Variants in CES5A observed in about 807,000 individuals in gnomAD.
CES5A encodes the protein carboxylesterase 5.
CES5A carries 67 observed loss-of-function variants against 62.9 expected under a neutral mutation model. The observed-to-expected ratio is 1.07, with a 90% CI of 0.88 to 1.31. The LOEUF (loss-of-function observed/expected upper bound fraction) is 1.31. CES5A is among the 50% of genes most tolerant of loss of function. The pLI is 0.00. For missense variants in CES5A, 748 were observed against 708.5 expected, an observed-to-expected ratio of 1.06 and a Z score of -0.63; for synonymous variants, 296 against 280.8, an observed-to-expected ratio of 1.05 and a Z score of -0.54.
chr16:55,955,957 T>C, exon 1 of CES5A: 1 of 1,449,454 alleles, frequency 6.9e-7, no homozygotes, highest in Non-Finnish European at 9.4e-7. Flanking sequence ...CCAGTCCTCT[T>C]GCACATCATG....
At chr16:55,888,050 G>T (rs1401014542) in intron 1 of CES5A, among the ~76,000 whole-genome samples, 1 of 152,142 alleles carries the variant, frequency 6.6e-6, no homozygotes, top group Non-Finnish European at 1.5e-5. Context: ...GCACAGAAGG[G>T]CTGTGTCCTG....
At chr16:55,910,512 T>G (rs1171761306) in intron 1 of CES5A, among the ~76,000 whole-genome samples, 1 of 152,196 alleles carries the variant, frequency 6.6e-6, no homozygotes, top group Admixed American at 6.5e-5. Flanking sequence ...GATTGCACAC[T>G]CTTTTGAGAC....
chr16:55,875,167 G>A lies in CES5A; in HGVS notation c.55C>T (p.Leu19Phe), dbSNP rs1467084135. 2 of 1,614,120 alleles carry A rather than the reference G, an allele frequency of 1.2e-6. No homozygotes were observed. The highest frequency in any genetic ancestry group is 1.1e-5 in the South Asian group (1 of 91,052). ...ATCTCACCTTTGGTGGGGGCTGCAA[G>A]GACCCAGATAGCCCAAATTAGGATC... ...GQILIWAIWVLAAPTKGPSAE... is the reference protein window; with the variant it reads ...GQILIWAIWVFAAPTKGPSAE... Residue 19 changes from leucine to phenylalanine, a missense_variant, in exon 1 of 13, where the codon CTT becomes TTT. Transcript: ENST00000290567.
At chr16:55,880,525 C>A (rs2142424037) in intron 1 of CES5A, among the ~76,000 whole-genome samples, 1 of 152,284 alleles carries the variant, frequency 6.6e-6, no homozygotes, top group South Asian at 2.1e-4. Context: ...CTGCCTCAGG[C>A]TCTGCTTTCA....
chr16:55,926,908 T>C (rs1186507079), upstream of CES5A, among the ~76,000 whole-genome samples: 8 of 152,344 alleles, frequency 5.3e-5, no homozygotes, highest in African/African-American at 1.9e-4. Flanking sequence ...GCTTTGATTG[T>C]GCATTGTCTT....
intron 1 of CES5A, among the ~76,000 whole-genome samples, chr16:55,920,707 T>C (rs1465737643): frequency 6.6e-6 from 1 of 152,072 alleles, no homozygotes; most frequent in Admixed American, 6.5e-5. Flanking sequence ...TGCAAAGACA[T>C]AAACATACAT....
At chr16:55,908,040 A>T (rs140579204) in intron 1 of CES5A, among the ~76,000 whole-genome samples, 11 of 152,292 alleles carry the variant, frequency 7.2e-5, no homozygotes, top group Non-Finnish European at 1.5e-4. Context: ...CTAAGCTATC[A>T]GAGTATGCTC....
intron 2 of CES5A, among the ~76,000 whole-genome samples, chr16:55,943,028 G>A (rs1158594836): frequency 6.6e-6 from 1 of 152,160 alleles, no homozygotes; most frequent in Non-Finnish European, 1.5e-5. Flanking sequence ...CTACAAATGA[G>A]CCCAAGAGAA....
chr16:55,863,316 G>T, intron 6 of CES5A, 32 bp downstream of exon 6: 1 of 1,108,478 alleles, frequency 9.0e-7, no homozygotes, highest in Non-Finnish European at 1.4e-6. Context: ...ACTGAGGAGA[G>T]GAAGGTGGCA....
chr16:55,849,709 C>A lies in CES5A; in HGVS notation c.1338G>T (p.Lys446Asn). The change falls in exon 11 of 13, where the codon AAG becomes AAT. Residue 446 changes from lysine (K) to asparagine (N), a missense_variant. Lys to Asn is a moderately conservative substitution (Grantham distance 94). Transcript: ENST00000290567. ...RHRPQCFEDTKPAFVKADHAD... is the reference protein window; with the variant it reads ...RHRPQCFEDTNPAFVKADHAD... ...CGTGGTCGGCTTTGACAAAAGCTGG[C>A]TTCGTGTCTTCAAAGCACTGAGGCC... 6.2e-7 allele frequency: 1 copy of A among 1,613,994 alleles called. No individual in the cohort carries two copies. Among genetic ancestry groups the A allele is most frequent in the Non-Finnish European group, 8.5e-7 (1 of 1,179,884 alleles).
intron 1 of CES5A, among the ~76,000 whole-genome samples, chr16:55,885,524 A>G (rs895947299): frequency 2.0e-5 from 3 of 152,130 alleles, no homozygotes; most frequent in Admixed American, 1.3e-4. Context: ...AGAGATAACA[A>G]GAAGGTTGGG....
intron 1 of CES5A, among the ~76,000 whole-genome samples, chr16:55,913,953 G>A (rs576716572): frequency 5.3e-5 from 8 of 152,294 alleles, no homozygotes; most frequent in African/African-American, 1.9e-4. Context: ...GCAAGCACAG[G>A]GTGCCCTGTG....
intron 10 of CES5A, among the ~76,000 whole-genome samples, chr16:55,851,055 G>A (rs2033122579): frequency 1.3e-5 from 2 of 152,082 alleles, no homozygotes; most frequent in Admixed American, 6.6e-5. Flanking sequence ...AAAATATAGT[G>A]GTAAATTTCC....
At chr16:55,860,636 A>AT (rs1281712670) in intron 7 of CES5A, among the ~76,000 whole-genome samples, 2 of 152,068 alleles carry the variant, frequency 1.3e-5, no homozygotes, top group African/African-American at 4.8e-5. Context: ...ATGCCTGGAT[A>AT]TTTTTTGGGT....
chr16:55,863,185 T>G (rs1234926408), intron 6 of CES5A, among the ~76,000 whole-genome samples, 163 bp downstream of exon 6: 3 of 152,170 alleles, frequency 2.0e-5, no homozygotes, highest in Admixed American at 6.5e-5. Context: ...CCATTTCCTG[T>G]TGAACCAGAC....
chr16:55,875,037 T>C (rs150380262), intron 1 of CES5A, 112 bp downstream of exon 1: 9 of 1,054,986 alleles, frequency 8.5e-6, no homozygotes, highest in African/African-American at 4.7e-5. Flanking sequence ...AAGTACTACA[T>C]AGCTCTCCAC....
intron 1 of CES5A, among the ~76,000 whole-genome samples, chr16:55,893,602 C>T (rs143507880): frequency 2.4e-4 from 36 of 152,126 alleles, no homozygotes; most frequent in African/African-American, 8.7e-4. Flanking sequence ...TTTAAATGTG[C>T]TTAACAGCAA....
chr16:55,919,920 C>T (rs1037383889), intron 1 of CES5A, among the ~76,000 whole-genome samples: 1 of 152,150 alleles, frequency 6.6e-6, no homozygotes, highest in Non-Finnish European at 1.5e-5. Context: ...TAGTTATTAT[C>T]CCTATTCTCC....
chr16:55,916,248 G>T (rs2034147600), intron 1 of CES5A, among the ~76,000 whole-genome samples: 1 of 152,118 alleles, frequency 6.6e-6, no homozygotes. Flanking sequence ...AGGAGTAATT[G>T]GGAAAGCTAC....
Sources: allele counts gnomAD v4.1 joint callset (sites outside exome capture counted in the v4.1 genomes callset), GRCh38; gene constraint gnomAD v4.1.1; transcripts MANE v1.5; gene names NCBI Gene and HGNC (gene_info 2026-07-23, HGNC 2026-07-21).